Variants in ABR observed in about 807,000 individuals in gnomAD.
ABR encodes active breakpoint cluster region-related protein.
A neutral mutation model predicts 107.2 loss-of-function variants in ABR; 35 were observed. The observed-to-expected ratio is 0.33, with a 90% confidence interval of 0.25 to 0.43. The LOEUF is 0.43. Ranked by LOEUF, ABR falls within the 20% of genes least tolerant of loss-of-function variation. ABR has a pLI of 1.00. For synonymous variants in ABR, 498 were observed against 462.0 expected, an observed-to-expected ratio of 1.08 and a Z score of -1.00; for missense variants, 815 against 1,115.2, an observed-to-expected ratio of 0.73 and a Z score of 3.83.
chr17:1,080,628 C>T lies in ABR; in HGVS notation c.640-1238G>A, dbSNP rs577731936. 6.3e-4 allele frequency among the ~76,000 whole-genome samples: 96 copies of T among 152,048 alleles called. 1 individual carries two copies. The highest frequency in any genetic ancestry group is 5.2e-3 in the South Asian group (25 of 4,820). On this transcript the variant is annotated intron_variant, in intron 5 of 22. Transcript: ENST00000302538. ...AGGTGATGAGGCCAAGGTCAGCTGC[C>T]GAGGTGATGCCACCTGCTTGGTCTG...
chr17:1,035,886 C>T (rs1691600064), intron 16 of ABR, among the ~76,000 whole-genome samples: 2 of 151,108 alleles, frequency 1.3e-5, no homozygotes, highest in Admixed American at 1.3e-4. Context: ...CCCAGCACAG[C>T]TGTGACTGAG....
chr17:1,112,254 C>T (rs1274920685), intron 2 of ABR, among the ~76,000 whole-genome samples: 1 of 152,232 alleles, frequency 6.6e-6, no homozygotes, highest in Non-Finnish European at 1.5e-5. Context: ...CTCGATCCGT[C>T]TGGGGTGAGG....
intron 3 of ABR, among the ~76,000 whole-genome samples, chr17:1,093,328 G>A (rs540732644): frequency 6.6e-6 from 1 of 152,164 alleles, no homozygotes; most frequent in East Asian, 2.0e-4. Context: ...AATTAGCTGG[G>A]CGTGGTGGTG....
In ABR at chr17:1,050,257, G is replaced by C; in HGVS notation, c.1660-76C>G. 1 of 1,536,906 alleles carries C rather than the reference G, an allele frequency of 6.5e-7. No individual in the cohort carries two copies. On this transcript the variant is annotated intron_variant, in intron 15 of 22. Coordinates refer to ENST00000302538, the MANE Select transcript of ABR (RefSeq NM_021962.5). This position sits in a 1 kb window ranked among gnomAD's most constrained non-coding sequence, Gnocchi z 4.6. Reference sequence around the variant, plus strand: ...GGCTTTCCGGCAGGTGCGTGCCTCAGCTTTGCAAGGAGGAGGGAGTAAGCA... The same window carrying C: ...GGCTTTCCGGCAGGTGCGTGCCTCACCTTTGCAAGGAGGAGGGAGTAAGCA...
At chr17:1,198,840 AGCCAG>A (rs2042618964) in intron 1 of ABR, among the ~76,000 whole-genome samples, 1 of 143,606 alleles carries the variant, frequency 7.0e-6, no homozygotes, top group Non-Finnish European at 1.5e-5. Flanking sequence ...TCACCGTGTT[AGCCAG>A]GATGGTTATG....
chr17:1,024,413 G>A (rs1378878842), intron 16 of ABR, among the ~76,000 whole-genome samples: 3 of 152,338 alleles, frequency 2.0e-5, no homozygotes, highest in Non-Finnish European at 2.9e-5. Context: ...CTGAGTGGCC[G>A]GGGTCTGAAC....
intron 5 of ABR, among the ~76,000 whole-genome samples, chr17:1,081,044 G>A (rs746270245): frequency 4.6e-5 from 7 of 152,286 alleles, no homozygotes; most frequent in South Asian, 4.1e-4. Flanking sequence ...ATGGTTGGGT[G>A]TGGGGGTTTC....
chr17:1,049,428 G>A (rs183668598), intron 16 of ABR, among the ~76,000 whole-genome samples: 3 of 152,106 alleles, frequency 2.0e-5, no homozygotes, highest in East Asian at 1.9e-4. Flanking sequence ...GGCCTCCCAA[G>A]GTGCTGGGAT....
chr17:1,155,553 C>T (rs1375757791), intron 1 of ABR, among the ~76,000 whole-genome samples: 3 of 152,252 alleles, frequency 2.0e-5, no homozygotes, highest in Admixed American at 1.3e-4. Flanking sequence ...GGGAACCGCA[C>T]GTCATCAATG....
chr17:1,066,686 A>G (rs1044086167), intron 10 of ABR, among the ~76,000 whole-genome samples: 1 of 151,224 alleles, frequency 6.6e-6, no homozygotes, highest in African/African-American at 2.4e-5. Flanking sequence ...CCACCACCAC[A>G]CTCTGCTAAT....
chr17:1,125,320 G>A lies in ABR; in HGVS notation c.109C>T (p.Gln37Ter). 1 of 1,613,958 alleles carries A rather than the reference G, an allele frequency of 6.2e-7. No homozygotes were observed. The highest frequency in any genetic ancestry group is 8.5e-7 in the Non-Finnish European group (1 of 1,179,962). ...DEYDGEGNEEQKGPPEGSETM... is the reference protein window; with the variant it reads ...DEYDGEGNEE Reference sequence around the variant, plus strand: ...TCTGAGCCCTCCGGGGGCCCCTTCTGCTCCTCATTCCCCTCTCCGTCGTAC... The same window carrying A: ...TCTGAGCCCTCCGGGGGCCCCTTCTACTCCTCATTCCCCTCTCCGTCGTAC... The change falls in exon 2 of 23, where the codon CAG becomes TAG. Residue 37 changes from glutamine (Q) to a stop codon, truncating the protein, a stop_gained. Coordinates refer to ENST00000302538, the MANE Select transcript of ABR (RefSeq NM_021962.5). LOFTEE classifies it high-confidence loss of function.
chr17:1,038,276 C>G lies in ABR; in HGVS notation c.1791+11774G>C, dbSNP rs187985092. On this transcript the variant is annotated intron_variant, in intron 16 of 22. Coordinates refer to ENST00000302538, the MANE Select transcript of ABR (RefSeq NM_021962.5). ...CTAGAGGCAGTTCTCCCGAAGGCCT[C>G]GCTCTCCCTCGGGGTGGGGGACGTG... is the stretch of plus-strand genomic sequence containing the variant. 2.4e-3 allele frequency among the ~76,000 whole-genome samples: 372 copies of G among 152,148 alleles called. 4 individuals are homozygous for G. The highest frequency in any genetic ancestry group is 0.02 in the Admixed American group (305 of 15,290).
rs913798063 is a variant in ABR at position 1,157,408 on chromosome 17, G to A, written c.61+22259C>T. 3.3e-5 allele frequency among the ~76,000 whole-genome samples: 5 copies of A among 151,978 alleles called. No homozygotes were observed. Among genetic ancestry groups the A allele is most frequent in the South Asian group, 2.1e-4 (1 of 4,832 alleles). On this transcript the variant is annotated intron_variant, in intron 1 of 22. Transcript: ENST00000302538. This position sits in a 1 kb window ranked among gnomAD's most constrained non-coding sequence, Gnocchi z 4.7. ...TGGGATTACAGGTGTGCGCCACCACGCCCGGCTAATTTTTATATTTTTAAT... is the reference window on the plus strand; with the variant it reads ...TGGGATTACAGGTGTGCGCCACCACACCCGGCTAATTTTTATATTTTTAAT...
At chr17:1,211,585 T>G (rs914767665) in intron 1 of ABR, among the ~76,000 whole-genome samples, 1 of 152,194 alleles carries the variant, frequency 6.6e-6, no homozygotes, top group Non-Finnish European at 1.5e-5. Flanking sequence ...TTCCAGGAAA[T>G]AGACACTATT....
chr17:1,092,817 G>C lies in ABR; in HGVS notation c.346-967C>G, dbSNP rs2037122282. On this transcript the variant is annotated intron_variant, in intron 3 of 22. Transcript: ENST00000302538. The surrounding 1 kb of genome is among the most constrained non-coding windows in gnomAD (Gnocchi z 4.6). ...CAGGGAAGGGCAGGGTGGCCAGAGG[G>C]AGAGCAGCCACGTCGAATTCTTTTT... Among the ~76,000 whole-genome samples, 2 of 151,976 alleles carry C rather than the reference G, an allele frequency of 1.3e-5. No individual in the cohort carries two copies. Among genetic ancestry groups the C allele is most frequent in the African/African-American group, 4.8e-5 (2 of 41,398 alleles).
intron 9 of ABR, among the ~76,000 whole-genome samples, chr17:1,069,672 A>G (rs1320812201): frequency 1.3e-5 from 2 of 152,118 alleles, no homozygotes; most frequent in East Asian, 3.9e-4. Context: ...ACCCTGTCTC[A>G]AAAGAAAAAA....
intron 16 of ABR, among the ~76,000 whole-genome samples, chr17:1,028,216 T>A (rs9913567): frequency 6.6e-6 from 1 of 151,264 alleles, no homozygotes. Context: ...TCAGCCTCCC[T>A]AGCAGCTGGG....
chr17:1,043,924 A>G (rs2031105749), intron 16 of ABR, among the ~76,000 whole-genome samples: 1 of 152,206 alleles, frequency 6.6e-6, no homozygotes, highest in Non-Finnish European at 1.5e-5. Flanking sequence ...CAGGGGGTGC[A>G]GAGGGCCCCT....
At chr17:1,100,215 C>A (rs2037773113) in intron 3 of ABR, among the ~76,000 whole-genome samples, 2 of 152,094 alleles carry the variant, frequency 1.3e-5, no homozygotes, top group Admixed American at 1.3e-4. Flanking sequence ...GGTTCCCTCA[C>A]CCAGGGAGGT....
Sources: allele counts gnomAD v4.1 joint callset (sites outside exome capture counted in the v4.1 genomes callset), GRCh38; gene constraint gnomAD v4.1.1; non-coding constraint Gnocchi (gnomAD v3.1); transcripts MANE v1.5; gene names NCBI Gene and HGNC (gene_info 2026-07-23, HGNC 2026-07-21).